The following OR2L13 variants were observed in gnomAD, a reference collection of about 807,000 sequenced individuals.
The protein encoded by OR2L13 is olfactory receptor 2L13.
Under a neutral mutation model 15.3 loss-of-function variants are expected in OR2L13, and 14 were observed. The observed-to-expected ratio is 0.91, with a 90% CI of 0.60 to 1.43. The LOEUF is 1.43. OR2L13 is among the 40% of genes most tolerant of loss of function. The pLI is 0.00. For missense variants in OR2L13, 367 were observed against 387.9 expected (o/e 0.95, Z 0.45); for synonymous variants, 152 against 142.9 (o/e 1.06, Z -0.45).
the OR2L13 span, among the ~76,000 whole-genome samples, chr1:248,053,064 A>G: frequency 6.6e-6 from 1 of 152,062 alleles, no homozygotes; most frequent in Non-Finnish European, 1.5e-5. Flanking sequence ...CTAGGTATTA[A>G]GCCCAGCATG....
chr1:248,070,333 A>G, the OR2L13 span, among the ~76,000 whole-genome samples: 7,763 of 150,948 alleles, frequency 0.051, 636 homozygotes, highest in African/African-American at 0.18. Flanking sequence ...ACTCAAAACC[A>G]CTCAACTACA....
At chr1:248,036,797 G>A in the OR2L13 span, among the ~76,000 whole-genome samples, 1 of 152,082 alleles carries the variant, frequency 6.6e-6, no homozygotes, top group Admixed American at 6.5e-5. Context: ...TCCAAATCCT[G>A]TCTTTTGAAG....
chr1:248,029,940 T>G, the OR2L13 span: 2 of 152,212 alleles, frequency 1.3e-5, no homozygotes, highest in African/African-American at 4.8e-5. Flanking sequence ...CATCCTCTGT[T>G]GTTAGTGACT....
the OR2L13 span, among the ~76,000 whole-genome samples, chr1:248,081,538 C>T: frequency 6.6e-6 from 1 of 151,968 alleles, no homozygotes; most frequent in African/African-American, 2.4e-5. Context: ...GGTGAATGAA[C>T]CTGGTATGAG....
At chr1:247,971,801 A>G in the OR2L13 span, among the ~76,000 whole-genome samples, 2 of 152,164 alleles carry the variant, frequency 1.3e-5, no homozygotes, top group South Asian at 4.1e-4. Flanking sequence ...TCCACCCCAA[A>G]TCAATGGAAT....
At chr1:248,019,413 A>G in the OR2L13 span, among the ~76,000 whole-genome samples, 13 of 152,154 alleles carry the variant, frequency 8.5e-5, no homozygotes, top group Admixed American at 8.5e-4. Context: ...TCAGGATGAA[A>G]CCCATCATAA....
the OR2L13 span, among the ~76,000 whole-genome samples, chr1:247,994,315 T>A: frequency 6.6e-6 from 1 of 152,112 alleles, no homozygotes; most frequent in Non-Finnish European, 1.5e-5. Flanking sequence ...GAGAATGGCG[T>A]GAACCCGGGA....
At chr1:248,036,131 G>C in the OR2L13 span, among the ~76,000 whole-genome samples, 44 of 152,048 alleles carry the variant, frequency 2.9e-4, no homozygotes, top group Non-Finnish European at 5.3e-4. Flanking sequence ...GAGAATTTTT[G>C]TATGGTATTG....
the OR2L13 span, among the ~76,000 whole-genome samples, chr1:248,052,599 C>T: frequency 2.0e-5 from 3 of 151,914 alleles, no homozygotes; most frequent in Admixed American, 6.6e-5. Flanking sequence ...GGCGTGGTGG[C>T]GGGCACCTGT....
the OR2L13 span, among the ~76,000 whole-genome samples, chr1:247,988,193 T>A: frequency 6.6e-6 from 1 of 152,040 alleles, no homozygotes; most frequent in Non-Finnish European, 1.5e-5. Context: ...TTTCTGGGAA[T>A]GCCTGTAAGT....
At chr1:248,038,821 C>T in the OR2L13 span, 2,864 of 1,614,130 alleles carry the variant, frequency 1.8e-3, 2 homozygotes, top group Non-Finnish European at 2.2e-3. Flanking sequence ...GCTATGTTGA[C>T]GCTAGCCTGC....
At chr1:247,958,014 G>GT in the OR2L13 span, among the ~76,000 whole-genome samples, 2 of 151,970 alleles carry the variant, frequency 1.3e-5, no homozygotes, top group African/African-American at 4.8e-5. Flanking sequence ...TGCTTCTCTA[G>GT]TTTTTTTAAT....
chr1:247,996,896 A>G, the OR2L13 span: 1 of 152,208 alleles, frequency 6.6e-6, no homozygotes, highest in Non-Finnish European at 1.5e-5. Context: ...ATATTGAAAC[A>G]TCTGTACATT....
At chr1:248,084,947 TTATAG>T in the OR2L13 span, among the ~76,000 whole-genome samples, 5 of 152,198 alleles carry the variant, frequency 3.3e-5, no homozygotes, top group Admixed American at 6.5e-5. Flanking sequence ...TACTTACTCA[TTATAG>T]TTACTGCTAT....
the OR2L13 span, among the ~76,000 whole-genome samples, chr1:248,031,009 A>G: frequency 6.6e-6 from 1 of 152,212 alleles, no homozygotes; most frequent in Admixed American, 6.5e-5. Context: ...ACATTTTAGG[A>G]GAGTTACAAA....
chr1:248,044,609 C>T, the OR2L13 span, among the ~76,000 whole-genome samples: 1 of 123,994 alleles, frequency 8.1e-6, no homozygotes, highest in South Asian at 2.2e-4. Flanking sequence ...CGAGACCATC[C>T]TGGCTAACAA....
At chr1:247,994,359 T>C in the OR2L13 span, among the ~76,000 whole-genome samples, 2 of 152,118 alleles carry the variant, frequency 1.3e-5, no homozygotes, top group African/African-American at 2.4e-5. Context: ...ATCGCTCCAC[T>C]GCACTCCAGC....
At chr1:248,008,851 T>G in the OR2L13 span, among the ~76,000 whole-genome samples, 2 of 152,048 alleles carry the variant, frequency 1.3e-5, no homozygotes, top group Non-Finnish European at 2.9e-5. Flanking sequence ...CAGACCACAG[T>G]GCAATCAAAT....
the OR2L13 span, among the ~76,000 whole-genome samples, chr1:247,975,998 T>G: frequency 1.3e-5 from 2 of 152,282 alleles, no homozygotes; most frequent in Non-Finnish European, 2.9e-5. Flanking sequence ...AAGACAAAAA[T>G]AATAAATTAT....
Sources: allele counts gnomAD v4.1 joint callset (sites outside exome capture counted in the v4.1 genomes callset), GRCh38; gene constraint gnomAD v4.1.1; transcripts MANE v1.5; gene names NCBI Gene and HGNC (gene_info 2026-07-23, HGNC 2026-07-21).